The following GAL3ST2 variants were observed in gnomAD, a reference collection of about 807,000 sequenced individuals.
GAL3ST2 encodes galactose-3-O-sulfotransferase 2.
Under a neutral mutation model 12.9 loss-of-function variants are expected in GAL3ST2, and 16 were observed. The ratio of observed to expected loss-of-function variants is 1.24; its 90% CI spans 0.84 to 1.88. The LOEUF (loss-of-function observed/expected upper bound fraction) is 1.88, where lower values mean the gene tolerates loss of function less well. GAL3ST2 is among the 40% of genes most tolerant of loss of function. The pLI is 0.00. For missense variants in GAL3ST2, 639 were observed against 571.8 expected, an observed-to-expected ratio of 1.12 and a Z score of -1.20; for synonymous variants, 302 against 273.9, an observed-to-expected ratio of 1.10 and a Z score of -1.01.
At position 241,803,571 on chromosome 2, in the gene GAL3ST2, C is replaced by A. The variant is rs1178251286; in HGVS notation, c.602C>A (p.Pro201His). ...NNMWFDFGFD[P>H]NAQCEEGYVR... Reference sequence around the variant, plus strand: ...ATGTGGTTCGACTTCGGCTTCGACCCCAACGCGCAGTGCGAGGAGGGCTAC... The same window carrying A: ...ATGTGGTTCGACTTCGGCTTCGACCACAACGCGCAGTGCGAGGAGGGCTAC... Residue 201 changes from proline to histidine, a missense_variant, in exon 4 of 4, where the codon CCC becomes CAC. By Grantham distance (77) the Pro-to-His change is moderately conservative. Coordinates refer to ENST00000192314, the MANE Select transcript of GAL3ST2 (RefSeq NM_022134.3). The A allele has an allele frequency of 6.3e-7, 1 of 1,597,132 alleles. No individual in the cohort carries two copies. The highest frequency in any genetic ancestry group is 8.5e-7 in the Non-Finnish European group (1 of 1,171,514).
At chr2:241,796,908 G>A (rs1699778175) in intron 1 of GAL3ST2, among the ~76,000 whole-genome samples, 1 of 152,218 alleles carries the variant, frequency 6.6e-6, no homozygotes, top group Non-Finnish European at 1.5e-5. Flanking sequence ...GGGGTGCCTT[G>A]AGGTCCCATG....
chr2:241,784,035 CT>C lies in GAL3ST2; in HGVS notation c.29+7067del, dbSNP rs1194688922. On this transcript the variant is annotated intron_variant, in intron 1 of 3. Coordinates refer to ENST00000192314, the MANE Select transcript of GAL3ST2 (RefSeq NM_022134.3). The stretch of plus-strand genomic sequence containing the variant: ...ATCATTAAACAAATATTAATGTCTT[CT>C]TTTTTTTTTTTTTTTGAGATGGAGT... Among the ~76,000 whole-genome samples, 468 of 139,574 alleles carry C rather than the reference CT, an allele frequency of 3.4e-3. 2 individuals are homozygous for C. The highest frequency in any genetic ancestry group is 4.6e-3 in the African/African-American group (175 of 38,048). The allele number at this position is 139,574 out of a possible 152,430, so 91.6% of individuals were successfully genotyped here.
Position 241,795,366 on chromosome 2 carries a change from C to T in GAL3ST2, c.30-3699C>T, listed in dbSNP as rs911711856. ...AAGAACAGAGACAGATTCATGCTGCCGCAAGGCCAAGGGGGGTATTGTAAG... is the reference window on the plus strand; with the variant it reads ...AAGAACAGAGACAGATTCATGCTGCTGCAAGGCCAAGGGGGGTATTGTAAG... On this transcript the variant is annotated intron_variant, in intron 1 of 3. Coordinates refer to ENST00000192314, the MANE Select transcript of GAL3ST2 (RefSeq NM_022134.3). The surrounding 1 kb of genome is among the most constrained non-coding windows in gnomAD (Gnocchi z 4.5). Among the ~76,000 whole-genome samples the T allele has an allele frequency of 6.6e-6, 1 of 152,156 alleles. No individual in the cohort carries two copies. Among genetic ancestry groups the T allele is most frequent in the African/African-American group, 2.4e-5 (1 of 41,430 alleles).
intron 1 of GAL3ST2, among the ~76,000 whole-genome samples, chr2:241,797,344 T>C (rs537251219): frequency 3.9e-5 from 6 of 152,372 alleles, no homozygotes; most frequent in African/African-American, 1.4e-4. Flanking sequence ...GGAGAGCCGA[T>C]GTTCGTTATC....
Position 241,801,780 on chromosome 2 carries a change from G to T in GAL3ST2, c.120-1G>T, listed in dbSNP as rs770453961. The T allele has an allele frequency of 1.9e-6, 3 of 1,612,038 alleles. No homozygotes were observed. Among genetic ancestry groups the T allele is most frequent in the African/African-American group, 2.7e-5 (2 of 75,008 alleles). ...AAGGCTGCGTGTGCCTTCCCTCCCA[G>T]CCTGTTTGGGGGCCAGGCTGAGGGG... On this transcript the variant is annotated splice_acceptor_variant, in intron 2 of 3. Transcript: ENST00000192314. LOFTEE classifies it high-confidence loss of function. The surrounding 1 kb of genome is among the most constrained non-coding windows in gnomAD (Gnocchi z 4.4).
At position 241,793,340 on chromosome 2, in the gene GAL3ST2, C is replaced by G. The variant is rs1279623387; in HGVS notation, c.30-5725C>G. Among the ~76,000 whole-genome samples, 1 of 151,308 alleles carries G rather than the reference C, an allele frequency of 6.6e-6. No homozygotes were observed. Among genetic ancestry groups the G allele is most frequent in the African/African-American group, 2.4e-5 (1 of 41,270 alleles). The stretch of plus-strand genomic sequence containing the variant: ...TCCGTGTGTGTGTATGTGTATGTAT[C>G]TGTATGTATGTGTGTGTATTGTGTG... On this transcript the variant is annotated intron_variant, in intron 1 of 3. Transcript: ENST00000192314. This position sits in a 1 kb window ranked among gnomAD's most constrained non-coding sequence, Gnocchi z 4.7.
At chr2:241,785,362 G>T (rs1699616052) in intron 1 of GAL3ST2, among the ~76,000 whole-genome samples, 1 of 152,004 alleles carries the variant, frequency 6.6e-6, no homozygotes, top group Admixed American at 6.6e-5. Context: ...GACCAGCCTG[G>T]CCAACATGAT....
intron 1 of GAL3ST2, among the ~76,000 whole-genome samples, chr2:241,790,441 G>A (rs1015810253): frequency 1.3e-5 from 2 of 152,150 alleles, no homozygotes; most frequent in African/African-American, 4.8e-5. Flanking sequence ...TTACAATTCA[G>A]TATACTCCTA....
At chr2:241,798,241 G>T (rs892430525) in intron 1 of GAL3ST2, among the ~76,000 whole-genome samples, 4 of 152,206 alleles carry the variant, frequency 2.6e-5, no homozygotes, top group Admixed American at 2.0e-4. Flanking sequence ...TGTGGGCCCC[G>T]CCTCTCTGTT....
intron 1 of GAL3ST2, among the ~76,000 whole-genome samples, chr2:241,794,140 G>A (rs986795422): frequency 1.3e-5 from 2 of 151,956 alleles, no homozygotes; most frequent in African/African-American, 4.8e-5. Context: ...AGAGATGGGG[G>A]TCTCACTATA....
chr2:241,794,858 C>T (rs1699750869), intron 1 of GAL3ST2, among the ~76,000 whole-genome samples: 1 of 152,184 alleles, frequency 6.6e-6, no homozygotes, highest in African/African-American at 2.4e-5. Context: ...TTTCATTTTC[C>T]CTCCACAATC....
Position 241,804,107 on chromosome 2 carries a change from C to A in GAL3ST2, c.1138C>A (p.Leu380Met). 6.6e-7 allele frequency: 1 copy of A among 1,515,104 alleles called. No individual in the cohort carries two copies. The highest frequency in any genetic ancestry group is 8.8e-7 in the Non-Finnish European group (1 of 1,131,410). 93.9% of individuals were successfully genotyped at this position (1,515,104 alleles called of 1,614,324 possible). A position where few individuals can be genotyped will look rare whatever the true frequency, so the allele number is the denominator to read the frequency against. ...GCCTGAGCTCCAGTACATGGCCCGCCTGTACGCCCTGCAGTTCCCGGAGAA... is the reference window on the plus strand; with the variant it reads ...GCCTGAGCTCCAGTACATGGCCCGCATGTACGCCCTGCAGTTCCCGGAGAA... Reference protein sequence around the residue: ...VMPELQYMARLYALQFPEKPL... With the variant: ...VMPELQYMARMYALQFPEKPL... The change falls in exon 4 of 4, where the codon CTG becomes ATG. Residue 380 changes from leucine (L) to methionine (M), a missense_variant. Coordinates refer to ENST00000192314, the MANE Select transcript of GAL3ST2 (RefSeq NM_022134.3).
intron 1 of GAL3ST2, among the ~76,000 whole-genome samples, chr2:241,786,151 G>GTGTA (rs897589566): frequency 2.0e-5 from 3 of 151,662 alleles, no homozygotes; most frequent in African/African-American, 7.3e-5. Context: ...GTGTGTGTGT[G>GTGTA]TGTGTGTGTG....
At position 241,802,222 on chromosome 2, in the gene GAL3ST2, G is replaced by C. The variant is rs1699862203; in HGVS notation, c.375+186G>C. 6.6e-6 allele frequency among the ~76,000 whole-genome samples: 1 copy of C among 152,182 alleles called. No homozygotes were observed. Among genetic ancestry groups the C allele is most frequent in the South Asian group, 2.1e-4 (1 of 4,836 alleles). ...CAACCCCTGCCCCTCCAGGCGGCCAGTCGCCTGCCGTTGCTCTTGGAATGA... is the reference window on the plus strand; with the variant it reads ...CAACCCCTGCCCCTCCAGGCGGCCACTCGCCTGCCGTTGCTCTTGGAATGA... On this transcript the variant is annotated intron_variant, in intron 3 of 3. Coordinates refer to ENST00000192314, the MANE Select transcript of GAL3ST2 (RefSeq NM_022134.3). This position sits in a 1 kb window ranked among gnomAD's most constrained non-coding sequence, Gnocchi z 4.8.
At position 241,803,459 on chromosome 2, in the gene GAL3ST2, GC is replaced by G. The variant is rs750473496; in HGVS notation, c.494del (p.Pro165ArgfsTer206). ...AACCTACGCCCCCGCCTTCCGGGGC[GC>G]CCCGAGCCTGGACGCGTTCCTGGCC... ...YKTYAPAFRG[A>X]PSLDAFLASP... On this transcript the variant is annotated frameshift_variant, in exon 4 of 4. Transcript: ENST00000192314. LOFTEE classifies it low-confidence loss of function (END_TRUNC). 27 of 1,611,552 alleles carry G rather than the reference GC, an allele frequency of 1.7e-5. 1 individual carries two copies. In the Admixed American group the frequency reaches 4.3e-4, roughly 26 times the overall value.
rs776987538 is a variant in GAL3ST2 at position 241,804,164 on chromosome 2, T to C, written c.1195T>C (p.Ter399GlnextTer?). The change falls in exon 4 of 4, where the codon TAG (stop) becomes CAG (glutamine). Residue 399 changes from the stop codon to glutamine (Q), a stop_lost. Coordinates refer to ENST00000192314, the MANE Select transcript of GAL3ST2 (RefSeq NM_022134.3). The stretch of plus-strand genomic sequence containing the variant: ...CAAGAACATCCCGTTCCTGGGGGCG[T>C]AGAGGGGCCGGGCCGGGGACGAGGC... ...PLKNIPFLGA[*>Q] is the part of the protein sequence containing the mutation. The C allele has an allele frequency of 7.0e-7, 1 of 1,433,666 alleles. No homozygotes were observed. The highest frequency in any genetic ancestry group is 9.2e-7 in the Non-Finnish European group (1 of 1,087,204). 88.8% of individuals were successfully genotyped at this position (1,433,666 alleles called of 1,614,324 possible). A position where few individuals can be genotyped will look rare whatever the true frequency, so the allele number is the denominator to read the frequency against.
intron 1 of GAL3ST2, among the ~76,000 whole-genome samples, chr2:241,781,807 G>A (rs76485544): frequency 0.17 from 21,261 of 128,784 alleles, no homozygotes; most frequent in African/African-American, 0.3. Context: ...GGATTAATTA[G>A]GTCAGAAAAA....
chr2:241,783,477 C>T (rs1474245935), intron 1 of GAL3ST2, among the ~76,000 whole-genome samples: 2 of 151,526 alleles, frequency 1.3e-5, no homozygotes, highest in Admixed American at 1.3e-4. Flanking sequence ...CGTACATAAA[C>T]TTTAAGCTTT....
Position 241,801,039 on chromosome 2 carries a change from G to A in GAL3ST2, c.120-742G>A, listed in dbSNP as rs1373214541. On this transcript the variant is annotated intron_variant, in intron 2 of 3. Coordinates refer to ENST00000192314, the MANE Select transcript of GAL3ST2 (RefSeq NM_022134.3). This position sits in a 1 kb window ranked among gnomAD's most constrained non-coding sequence, Gnocchi z 4.4. ...TATACACGTGCCACGGTAGTTTACT[G>A]CACCTATTAGCCCGTCATCTAGGTT... 1 of 152,154 alleles carries A rather than the reference G, an allele frequency of 6.6e-6. No individual in the cohort carries two copies. The highest frequency in any genetic ancestry group is 1.5e-5 in the Non-Finnish European group (1 of 68,054). The allele number at this position is 152,154 out of a possible 1,614,324, so 9.4% of individuals were successfully genotyped here.
Sources: gnomAD v4.1 joint callset for allele counts (sites outside exome capture counted in the v4.1 genomes callset) on GRCh38, gnomAD v4.1.1 for gene constraint, Gnocchi (gnomAD v3.1) non-coding constraint, MANE v1.5 for transcripts, NCBI Gene and HGNC (gene_info 2026-07-23, HGNC 2026-07-21) for gene names.